The following THADA variants were observed in gnomAD, a reference collection of about 807,000 sequenced individuals.
The protein encoded by THADA is tRNA (32-2'-O)-methyltransferase regulator THADA.
A neutral mutation model predicts 219.8 loss-of-function variants in THADA; 213 were observed. That is an observed-to-expected ratio of 0.97 (90% CI 0.87 to 1.09). The LOEUF (loss-of-function observed/expected upper bound fraction) is 1.09, where lower values mean the gene tolerates loss of function less well. Among genes scored for constraint, THADA ranks in the 50% least tolerant of loss-of-function variants. THADA has a pLI of 0.00. For missense variants in THADA, 2,956 were observed against 2,311.3 expected, an observed-to-expected ratio of 1.28 and a Z score of -5.72; for synonymous variants, 1,018 against 828.9, an observed-to-expected ratio of 1.23 and a Z score of -3.92.
At chr2:43,325,315 T>G (rs1012988453) in intron 30 of THADA, among the ~76,000 whole-genome samples, 2 of 151,990 alleles carry the variant, frequency 1.3e-5, no homozygotes, top group African/African-American at 2.4e-5. Context: ...TTTTTGGTTT[T>G]GTTTTGTTTT....
chr2:43,543,993 T>C (rs1006190836), intron 20 of THADA, among the ~76,000 whole-genome samples: 1 of 152,202 alleles, frequency 6.6e-6, no homozygotes, highest in African/African-American at 2.4e-5. Flanking sequence ...TCTAGGGTTT[T>C]TATGGTTTTA....
Position 43,551,925 on chromosome 2 carries a change from G to A in THADA, c.2811C>T (p.Asn937=), listed in dbSNP as rs779926699. 3 of 1,607,340 alleles carry A rather than the reference G, an allele frequency of 1.9e-6. No homozygotes were observed. The highest frequency in any genetic ancestry group is 1.7e-6 in the Non-Finnish European group (2 of 1,178,264). The part of the protein sequence containing the change: ...ITGALQKLSL[N]SLQLVSEWRP... ...TCCACTCGCTCACCAACTGCAGGCT[G>A]CTGCAACAAGGACATTAGGGAAATT... Residue 937 remains asparagine, a splice_region_variant and synonymous_variant, in exon 19 of 38, where the codon AAC becomes AAT. Coordinates refer to ENST00000405975, the MANE Select transcript of THADA (RefSeq NM_022065.5).
Position 43,309,483 on chromosome 2 carries a change from G to T in THADA, c.4438+10963C>A, listed in dbSNP as rs576958625. Reference sequence around the variant, plus strand: ...AGTATAAACAAGCCATACACACAATGGAATACTACTCAGCAATAAAATGTC... The same window carrying T: ...AGTATAAACAAGCCATACACACAATTGAATACTACTCAGCAATAAAATGTC... On this transcript the variant is annotated intron_variant, in intron 31 of 37. Transcript: ENST00000405975. Among the ~76,000 whole-genome samples the T allele has an allele frequency of 2.0e-5, 3 of 152,184 alleles. No individual in the cohort carries two copies. The South Asian group carries it at 6.2e-4, about 32-fold the overall frequency.
At chr2:43,315,923 G>C (rs1678026775) in intron 31 of THADA, among the ~76,000 whole-genome samples, 1 of 152,214 alleles carries the variant, frequency 6.6e-6, no homozygotes, top group African/African-American at 2.4e-5. Context: ...TTTGTCTACA[G>C]GGTCAAATTG....
At chr2:43,430,371 T>TA (rs906095709) in intron 26 of THADA, 69 bp from the exon 27 acceptor site, 94 of 783,154 alleles carry the variant, frequency 1.2e-4, no homozygotes, top group Non-Finnish European at 1.7e-4. Flanking sequence ...GCCTTTTTTT[T>TA]AAAAAAAGGA....
chr2:43,556,165 A>G, intron 17 of THADA, 180 bp downstream of exon 17: 1 of 1,284,596 alleles, frequency 7.8e-7, no homozygotes, highest in South Asian at 1.8e-5. Flanking sequence ...ACTGTTTAGA[A>G]AAAAGTATTA....
At chr2:43,592,251 A>G in intron 2 of THADA, 66 bp downstream of exon 2, 1 of 1,180,670 alleles carries the variant, frequency 8.5e-7, no homozygotes, top group Non-Finnish European at 1.2e-6. Context: ...TAGGGGTCCC[A>G]GTCATTAAAA....
intron 26 of THADA, among the ~76,000 whole-genome samples, chr2:43,448,770 A>T (rs974937861): frequency 6.6e-6 from 1 of 152,084 alleles, no homozygotes; most frequent in Non-Finnish European, 1.5e-5. Context: ...CCCCTGACAC[A>T]GACAAAGCCT....
chr2:43,551,334 G>A (rs1190903298), intron 19 of THADA, among the ~76,000 whole-genome samples: 1 of 152,092 alleles, frequency 6.6e-6, no homozygotes, highest in African/African-American at 2.4e-5. Context: ...GACCAAAAAC[G>A]TTCTCAATTT....
intron 36 of THADA, among the ~76,000 whole-genome samples, chr2:43,277,951 C>CTT (rs761803232): frequency 0.17 from 22,942 of 134,276 alleles, 2,700 homozygotes; most frequent in African/African-American, 0.32. Context: ...CAATATTGTT[C>CTT]TTTTTTTTTT....
chr2:43,490,524 A>C (rs76788547), intron 25 of THADA, among the ~76,000 whole-genome samples: 3,322 of 152,276 alleles, frequency 0.022, 49 homozygotes, highest in African/African-American at 0.045. Context: ...TTCACATAAA[A>C]TAGCATTAGA....
intron 36 of THADA, among the ~76,000 whole-genome samples, chr2:43,238,056 T>C (rs1346680594): frequency 2.3e-5 from 3 of 129,912 alleles, no homozygotes; most frequent in Admixed American, 1.9e-4. Context: ...GAGGTGGAGG[T>C]TGCAGTGAGC....
chr2:43,246,320 C>A (rs1669140327), intron 36 of THADA, among the ~76,000 whole-genome samples: 1 of 152,110 alleles, frequency 6.6e-6, no homozygotes, highest in Non-Finnish European at 1.5e-5. Context: ...CATGGCGAAA[C>A]CCTGTCTCTA....
intron 36 of THADA, among the ~76,000 whole-genome samples, chr2:43,249,664 C>A (rs1400099716): frequency 6.6e-6 from 1 of 152,198 alleles, no homozygotes; most frequent in African/African-American, 2.4e-5. Context: ...GCTGTACCAG[C>A]CATGGGTATT....
intron 26 of THADA, among the ~76,000 whole-genome samples, chr2:43,451,459 C>G (rs967551851): frequency 1.3e-5 from 2 of 152,188 alleles, no homozygotes; most frequent in Non-Finnish European, 2.9e-5. Context: ...TGTTGTTTTA[C>G]TGAAACATGT....
intron 4 of THADA, among the ~76,000 whole-genome samples, chr2:43,588,783 T>C (rs543900507): frequency 6.6e-6 from 1 of 152,232 alleles, no homozygotes; most frequent in African/African-American, 2.4e-5. Flanking sequence ...AGAATTTCAA[T>C]AGGCCTAATT....
chr2:43,578,321 T>TC (rs201314367), intron 9 of THADA, among the ~76,000 whole-genome samples, 192 bp downstream of exon 9: 1,558 of 151,716 alleles, frequency 0.01, 32 homozygotes, highest in African/African-American at 0.036. Context: ...TTTCTTTTTT[T>TC]TTTTTTGTAG....
intron 14 of THADA, among the ~76,000 whole-genome samples, chr2:43,567,390 G>C (rs1281027287): frequency 1.3e-5 from 2 of 152,176 alleles, no homozygotes; most frequent in African/African-American, 2.4e-5. Flanking sequence ...AGCACTTTGG[G>C]AGGCCGAGGT....
intron 20 of THADA, among the ~76,000 whole-genome samples, chr2:43,545,161 T>C (rs1170141204): frequency 1.3e-5 from 2 of 152,134 alleles, no homozygotes; most frequent in African/African-American, 4.8e-5. Flanking sequence ...GTTCTGTTTA[T>C]ATCCTGGATT....
Sources: allele counts gnomAD v4.1 joint callset (sites outside exome capture counted in the v4.1 genomes callset), GRCh38; gene constraint gnomAD v4.1.1; transcripts MANE v1.5; gene names NCBI Gene and HGNC (gene_info 2026-07-23, HGNC 2026-07-21).